Variants in TRAF7 observed in about 807,000 individuals in gnomAD.
TRAF7 encodes the protein E3 ubiquitin-protein ligase TRAF7.
A neutral mutation model predicts 89.3 loss-of-function variants in TRAF7; 45 were observed. The ratio of observed to expected loss-of-function variants is 0.50; its 90% CI spans 0.40 to 0.65. The LOEUF (loss-of-function observed/expected upper bound fraction) is 0.65. Ranked by LOEUF, TRAF7 falls within the 30% of genes least tolerant of loss-of-function variation. The pLI is 0.00. For missense variants in TRAF7, 677 were observed against 918.1 expected (o/e 0.74, Z 3.39); for synonymous variants, 406 against 369.2 (o/e 1.10, Z -1.14).
intron 1 of TRAF7, among the ~76,000 whole-genome samples, chr16:2,160,409 G>T (rs1400656681): frequency 6.6e-6 from 1 of 151,024 alleles, no homozygotes; most frequent in African/African-American, 2.4e-5. Flanking sequence ...AGCATGGGCA[G>T]TGTGGACGGG....
At chr16:2,170,835 G>C in intron 5 of TRAF7, 105 bp downstream of exon 5, 2 of 1,103,100 alleles carry the variant, frequency 1.8e-6, no homozygotes, top group South Asian at 2.8e-5. Context: ...CACAGGGAGA[G>C]GGCGGCTGGG....
Position 2,172,531 on chromosome 16 carries a change from G to T in TRAF7, c.726G>T (p.Leu242=). The change falls in exon 9 of 21, where the codon CTG becomes CTT. Residue 242 remains leucine (L), a synonymous_variant. Transcript: ENST00000326181. ...CCAACAACCCCAGCTGCCCCCCGCT[G>T]CTCAGGATGAACCTGGAGGCCCACC... ...RCPNNPSCPP[L]LRMNLEAHLK... The T allele has an allele frequency of 6.3e-7, 1 of 1,590,042 alleles. No individual in the cohort carries two copies. The highest frequency in any genetic ancestry group is 1.8e-5 in the Admixed American group (1 of 57,098).
At chr16:2,165,043 C>A (rs1253742440) in intron 2 of TRAF7, among the ~76,000 whole-genome samples, 2 of 116,376 alleles carry the variant, frequency 1.7e-5, no homozygotes, top group African/African-American at 8.9e-5. Flanking sequence ...GCTGCATGGC[C>A]TGGCCTGGTC....
intron 3 of TRAF7, 74 bp downstream of exon 3, chr16:2,166,010 G>T: frequency 1.3e-6 from 2 of 1,573,426 alleles, no homozygotes; most frequent in Non-Finnish European, 8.7e-7. Context: ...GCTAAGGACT[G>T]AGGGACACTT....
At chr16:2,175,692 G>C (rs1355953139) in intron 17 of TRAF7, 70 bp downstream of exon 17, 2 of 1,591,862 alleles carry the variant, frequency 1.3e-6, no homozygotes, top group East Asian at 4.5e-5. Context: ...CAGCACCTGG[G>C]GCTCCATCTG....
chr16:2,172,344 GC>G lies in TRAF7; in HGVS notation c.633del (p.Phe212SerfsTer34). On this transcript the variant is annotated frameshift_variant, in exon 8 of 21. Coordinates refer to ENST00000326181, the MANE Select transcript of TRAF7 (RefSeq NM_032271.3). LOFTEE classifies it high-confidence loss of function. ...ATCTTTGAGGTGGACCCCCGAGGGT[GC>G]CCCTTCACCATCAAGCTCAGCGCCC... is the stretch of plus-strand genomic sequence containing the variant. Reference protein sequence around the residue: ...PPIFEVDPRGCPFTIKLSARK... With the variant: ...PPIFEVDPRGXPFTIKLSARK... 1 of 1,612,206 alleles carries G rather than the reference GC, an allele frequency of 6.2e-7. No homozygotes were observed. Among genetic ancestry groups the G allele is most frequent in the South Asian group, 1.1e-5 (1 of 91,052 alleles).
intron 1 of TRAF7, among the ~76,000 whole-genome samples, chr16:2,160,179 C>T (rs924911399): frequency 7.9e-5 from 12 of 151,990 alleles, no homozygotes; most frequent in African/African-American, 2.9e-4. Flanking sequence ...GGACAAAGAC[C>T]CTGGGCCTGA....
At chr16:2,165,598 C>T (rs59196687) in intron 2 of TRAF7, among the ~76,000 whole-genome samples, 2,367 of 127,542 alleles carry the variant, frequency 0.019, 89 homozygotes, top group African/African-American at 0.07. Flanking sequence ...CATGGTTAAG[C>T]GTGTGAGTGC....
In TRAF7 at chr16:2,165,701, G is replaced by A. The variant is rs530924112; in HGVS notation, c.82-178G>A. ...TAAGCGTGTTAGCGCTGCGTGGCGC[G>A]GCCTGGTCGCATGATTAAGCGTGTG... On this transcript the variant is annotated intron_variant, in intron 2 of 20. Coordinates refer to ENST00000326181, the MANE Select transcript of TRAF7 (RefSeq NM_032271.3). 1.9e-4 allele frequency among the ~76,000 whole-genome samples: 28 copies of A among 149,160 alleles called. No individual in the cohort carries two copies. In the East Asian group the frequency reaches 3.2e-3, roughly 17 times the overall value.
chr16:2,155,790 C>T lies in TRAF7; in HGVS notation c.-107C>T, dbSNP rs1596662755. Reference sequence around the variant, plus strand: ...CGGCTCGCGCGTCTAGTCCCTTTCCCGGCCGGCGGCCGAGGGGGCATCATG... The same window carrying T: ...CGGCTCGCGCGTCTAGTCCCTTTCCTGGCCGGCGGCCGAGGGGGCATCATG... On this transcript the variant is annotated 5_prime_UTR_variant, in exon 1 of 21. Coordinates refer to ENST00000326181, the MANE Select transcript of TRAF7 (RefSeq NM_032271.3). 1 of 151,826 alleles carries T rather than the reference C, an allele frequency of 6.6e-6. No individual in the cohort carries two copies. The highest frequency in any genetic ancestry group is 1.5e-5 in the Non-Finnish European group (1 of 67,866). 9.4% of individuals were successfully genotyped at this position (151,826 alleles called of 1,614,324 possible).
rs1567244679 is a variant in TRAF7, at chr16:2,158,778, G to GA, written c.-39+2920_-39+2921insA. 1.3e-5 allele frequency among the ~76,000 whole-genome samples: 2 copies of GA among 151,162 alleles called. No homozygotes were observed. Among genetic ancestry groups the GA allele is most frequent in the Admixed American group, 6.6e-5 (1 of 15,210 alleles). On this transcript the variant is annotated intron_variant, in intron 1 of 20. Coordinates refer to ENST00000326181, the MANE Select transcript of TRAF7 (RefSeq NM_032271.3). The surrounding 1 kb of genome is among the most constrained non-coding windows in gnomAD (Gnocchi z 4.7). Reference sequence around the variant, plus strand: ...GAAGCGTGGGCTCGGCGGGGGGGGGGGGGACACTGCCACCCTTGGCTCTTG... The same window carrying GA: ...GAAGCGTGGGCTCGGCGGGGGGGGGGAGGGACACTGCCACCCTTGGCTCTTG...
At position 2,171,561 on chromosome 16, in the gene TRAF7, T is replaced by C; in HGVS notation, c.442-11T>C. On this transcript the variant is annotated splice_polypyrimidine_tract_variant and intron_variant, in intron 6 of 20. Transcript: ENST00000326181. ...CTGCGCCACCCTCAAGCCCGCCCTTTGCCTCCACAGCACACGTTCTGTAGG... is the reference window on the plus strand; with the variant it reads ...CTGCGCCACCCTCAAGCCCGCCCTTCGCCTCCACAGCACACGTTCTGTAGG... 1.9e-6 allele frequency: 3 copies of C among 1,613,298 alleles called. No homozygotes were observed. The highest frequency in any genetic ancestry group is 2.5e-6 in the Non-Finnish European group (3 of 1,179,896).
intron 7 of TRAF7, 106 bp from the exon 8 acceptor site, chr16:2,172,085 G>C: frequency 7.1e-7 from 1 of 1,401,236 alleles, no homozygotes. Flanking sequence ...GCGTGCCTCA[G>C]AGGCGCAGAT....
In TRAF7 at chr16:2,165,886, T is replaced by C; in HGVS notation, c.89T>C (p.Met30Thr). ...CCTCCGTCCTCCCTCTAGACCAGAA[T>C]GGAAACGACCTTCGGACCCGCCTTT... ...PTPDVTTGTR[M>T]ETTFGPAFSA... is the part of the protein sequence containing the mutation. Residue 30 changes from methionine (M) to threonine (T), a missense_variant, in exon 3 of 21, where the codon ATG becomes ACG. Physicochemically the swap from Met to Thr is moderately conservative, Grantham distance 81 (BLOSUM62 -1). This residue lies in a region of TRAF7 where 240 missense variants were observed against 191.9 expected (regional missense o/e 1.25). Coordinates refer to ENST00000326181, the MANE Select transcript of TRAF7 (RefSeq NM_032271.3). 2 of 1,614,090 alleles carry C rather than the reference T, an allele frequency of 1.2e-6. No individual in the cohort carries two copies. Among genetic ancestry groups the C allele is most frequent in the Non-Finnish European group, 1.7e-6 (2 of 1,179,948 alleles).
rs1219611737 is a variant in TRAF7, at chr16:2,159,407, C to A, written c.-39+3549C>A. ...GGCAGAGGCCGGGGCACCCCAGGAG[C>A]CTTCGACGTCACACCCTGCCTATTT... On this transcript the variant is annotated intron_variant, in intron 1 of 20. Transcript: ENST00000326181. The surrounding 1 kb of genome is among the most constrained non-coding windows in gnomAD (Gnocchi z 6.5). Among the ~76,000 whole-genome samples, 1 of 152,178 alleles carries A rather than the reference C, an allele frequency of 6.6e-6. No individual in the cohort carries two copies. Among genetic ancestry groups the A allele is most frequent in the Admixed American group, 6.5e-5 (1 of 15,288 alleles).
chr16:2,176,686 G>C lies in TRAF7; in HGVS notation c.*112G>C. The stretch of plus-strand genomic sequence containing the variant: ...TCTGCCTGCCCCGTGGGCATAGGTG[G>C]ACAGGCTCTGGCAGCCGGGCAGTGC... On this transcript the variant is annotated 3_prime_UTR_variant, in exon 21 of 21. Coordinates refer to ENST00000326181, the MANE Select transcript of TRAF7 (RefSeq NM_032271.3). 6.5e-7 allele frequency: 1 copy of C among 1,533,206 alleles called. No individual in the cohort carries two copies. The highest frequency in any genetic ancestry group is 1.1e-5 in the South Asian group (1 of 87,912). 95.0% of individuals were successfully genotyped at this position (1,533,206 alleles called of 1,614,324 possible).
At chr16:2,157,117 C>A (rs916784506) in intron 1 of TRAF7, among the ~76,000 whole-genome samples, 1 of 151,456 alleles carries the variant, frequency 6.6e-6, no homozygotes, top group African/African-American at 2.4e-5. Context: ...ACACACAGGC[C>A]CCCTAGCCCT....
intron 14 of TRAF7, 67 bp from the exon 15 acceptor site, chr16:2,175,044 C>T: frequency 1.2e-6 from 2 of 1,605,710 alleles, no homozygotes; most frequent in South Asian, 2.2e-5. Flanking sequence ...GACCTCGGGC[C>T]CTGCCAGGGC....
intron 6 of TRAF7, 100 bp downstream of exon 6, chr16:2,171,456 G>C: frequency 1.3e-6 from 2 of 1,556,648 alleles, no homozygotes; most frequent in Non-Finnish European, 8.7e-7. Flanking sequence ...CCTTGGTCAA[G>C]GCCTGTCCTG....
Sources: allele counts gnomAD v4.1 joint callset (sites outside exome capture counted in the v4.1 genomes callset), GRCh38; gene constraint gnomAD v4.1.1; regional missense constraint gnomAD v4.1.1; non-coding constraint Gnocchi (gnomAD v3.1); transcripts MANE v1.5; gene names NCBI Gene and HGNC (gene_info 2026-07-23, HGNC 2026-07-21).